BBS12: variants seen among roughly 807,000 people sequenced by gnomAD.
BBS12 encodes chaperonin-containing T-complex member BBS12.
A neutral mutation model predicts 5.6 loss-of-function variants in BBS12; 5 were observed. The ratio of observed to expected loss-of-function variants is 0.89; its 90% CI spans 0.46 to 1.86. The LOEUF is 1.86. Among genes scored for constraint, BBS12 ranks in the 40% most tolerant of loss-of-function variants. BBS12 has a pLI of 0.01. For synonymous variants in BBS12, 308 were observed against 306.8 expected (o/e 1.00, Z -0.04); for missense variants, 748 against 830.4 (o/e 0.90, Z 1.22).
At chr4:122,722,263 T>C in the BBS12 span, among the ~76,000 whole-genome samples, 26 of 152,358 alleles carry the variant, frequency 1.7e-4, no homozygotes, top group East Asian at 4.6e-3. Context: ...CTTTCTATTC[T>C]ATTCCACCGG....
rs1437804104 is a variant in BBS12 at position 122,743,144 on chromosome 4, G to C, written c.1252G>C (p.Val418Leu). 1 of 1,614,254 alleles carries C rather than the reference G, an allele frequency of 6.2e-7. No individual in the cohort carries two copies. Among genetic ancestry groups the C allele is most frequent in the Admixed American group, 1.7e-5 (1 of 60,032 alleles). Residue 418 changes from valine to leucine, a missense_variant, in exon 2 of 2, where the codon GTG (valine) becomes CTG (leucine). By Grantham distance (32) the Val-to-Leu change is conservative (BLOSUM62 1). Coordinates refer to ENST00000314218, the MANE Select transcript of BBS12 (RefSeq NM_152618.3). ...KVNLVLVQGN[V>L]SERLIEKCIN... ...GAACCTTGTCCTGGTACAAGGAAAT[G>C]TGTCCGAACGCTTAATTGAAAAATG...
At chr4:122,701,336 T>C in the BBS12 span, among the ~76,000 whole-genome samples, 2 of 152,246 alleles carry the variant, frequency 1.3e-5, no homozygotes, top group African/African-American at 4.8e-5. Flanking sequence ...TGATGAATCA[T>C]AGAAGAATTT....
Position 122,742,073 on chromosome 4 carries a change from G to T in BBS12, c.181G>T (p.Asp61Tyr). 6.2e-7 allele frequency: 1 copy of T among 1,614,142 alleles called. No individual in the cohort carries two copies. The highest frequency in any genetic ancestry group is 8.5e-7 in the Non-Finnish European group (1 of 1,180,018). The change falls in exon 2 of 2, where the codon GAT becomes TAT. Residue 61 changes from aspartate (D) to tyrosine (Y), a missense_variant. Transcript: ENST00000314218. ...AACAGTAAGGCTTCTTGAAAGTTTG[G>T]ATTTAACCAGTGCAGTGGGACAACT... ...SSTVRLLESL[D>Y]LTSAVGQLLN...
At chr4:122,735,585 TA>T (rs1294688106) in intron 1 of BBS12, among the ~76,000 whole-genome samples, 1 of 152,212 alleles carries the variant, frequency 6.6e-6, no homozygotes, top group Non-Finnish European at 1.5e-5. Flanking sequence ...TTAAAACTTA[TA>T]TTCATGTTGG....
At chr4:122,737,006 T>G (rs1800791818) in intron 1 of BBS12, among the ~76,000 whole-genome samples, 1 of 152,212 alleles carries the variant, frequency 6.6e-6, no homozygotes, top group Non-Finnish European at 1.5e-5. Context: ...TGCTTATACA[T>G]TAGTTTTCTT....
At position 122,742,925 on chromosome 4, in the gene BBS12, G is replaced by A. The variant is rs1323423364; in HGVS notation, c.1033G>A (p.Val345Met). ...TGTTGTGTCAGTATCTAATAATCCT[G>A]TGATCAAGGAATTGCAGAATCAGCC... ...ITVVSVSNNP[V>M]IKELQNQPVR... is the part of the protein sequence containing the mutation. Residue 345 changes from valine to methionine, a missense_variant, in exon 2 of 2, where the codon GTG becomes ATG. Val to Met is a conservative substitution (Grantham distance 21). Transcript: ENST00000314218. 1.2e-6 allele frequency: 2 copies of A among 1,614,198 alleles called. No homozygotes were observed. Among genetic ancestry groups the A allele is most frequent in the South Asian group, 1.1e-5 (1 of 91,068 alleles).
chr4:122,720,477 A>AC, the BBS12 span, among the ~76,000 whole-genome samples: 1 of 152,130 alleles, frequency 6.6e-6, no homozygotes, highest in Non-Finnish European at 1.5e-5. Context: ...AACAAAAAAA[A>AC]CAGAGGAAAA....
At chr4:122,704,458 G>A in the BBS12 span, among the ~76,000 whole-genome samples, 4 of 152,162 alleles carry the variant, frequency 2.6e-5, no homozygotes, top group African/African-American at 7.2e-5. Flanking sequence ...AACTTCCTTG[G>A]ACCCTAGCTG....
Position 122,743,280 on chromosome 4 carries a change from A to T in BBS12, c.1388A>T (p.Asp463Val), listed in dbSNP as rs762489376. The T allele has an allele frequency of 1.2e-6, 2 of 1,614,062 alleles. No homozygotes were observed. The highest frequency in any genetic ancestry group is 2.7e-5 in the African/African-American group (2 of 74,908). The change falls in exon 2 of 2, where the codon GAT (aspartate) becomes GTT (valine). Residue 463 changes from aspartate to valine, a missense_variant. Coordinates refer to ENST00000314218, the MANE Select transcript of BBS12 (RefSeq NM_152618.3). Reference protein sequence around the residue: ...QVAYITQVNEDCVGDGVCVTF... With the variant: ...QVAYITQVNEVCVGDGVCVTF... The stretch of plus-strand genomic sequence containing the variant: ...GCCTACATTACACAAGTGAATGAAG[A>T]TTGTGTGGGCGACGGGGTCTGCGTG...
the BBS12 span, among the ~76,000 whole-genome samples, chr4:122,710,062 GC>G: frequency 6.6e-6 from 1 of 152,132 alleles, no homozygotes; most frequent in African/African-American, 2.4e-5. Context: ...ATATAAAAGT[GC>G]TCAAGTTTTT....
chr4:122,707,992 C>A, the BBS12 span, among the ~76,000 whole-genome samples: 2 of 146,122 alleles, frequency 1.4e-5, no homozygotes, highest in East Asian at 4.0e-4. Context: ...TTTCTTTTCT[C>A]TCTTTCTCTC....
At chr4:122,708,332 C>T in the BBS12 span, among the ~76,000 whole-genome samples, 33 of 152,088 alleles carry the variant, frequency 2.2e-4, no homozygotes, top group Non-Finnish European at 2.2e-4. Context: ...CTTTTGGCCA[C>T]TTCATGAGCT....
chr4:122,718,606 C>T, the BBS12 span, among the ~76,000 whole-genome samples: 5 of 151,864 alleles, frequency 3.3e-5, no homozygotes, highest in African/African-American at 7.3e-5. Flanking sequence ...GGGAATAGAT[C>T]CAAGCTGAAA....
upstream of BBS12, chr4:122,729,545 A>G (rs1224471762): frequency 2.0e-5 from 3 of 152,258 alleles, no homozygotes; most frequent in Non-Finnish European, 1.5e-5. Context: ...TTTCTTATCA[A>G]TGGGCAACTG....
chr4:122,705,222 C>T, the BBS12 span, among the ~76,000 whole-genome samples: 2 of 152,318 alleles, frequency 1.3e-5, no homozygotes, highest in Middle Eastern at 3.4e-3. Flanking sequence ...CCAGATAGCT[C>T]AGCCTCAATC....
At position 122,743,347 on chromosome 4, in the gene BBS12, C is replaced by A; in HGVS notation, c.1455C>A (p.Asn485Lys). 6.2e-7 allele frequency: 1 copy of A among 1,614,142 alleles called. No homozygotes were observed. Residue 485 changes from asparagine (N) to lysine (K), a missense_variant, in exon 2 of 2, where the codon AAC becomes AAA. By Grantham distance (94) the Asn-to-Lys change is moderately conservative. Coordinates refer to ENST00000314218, the MANE Select transcript of BBS12 (RefSeq NM_152618.3). ...RSSPLDVVDR[N>K]NRIAILLKTE... Reference sequence around the variant, plus strand: ...GCCCTTTGGATGTTGTAGATAGGAACAACAGAATCGCAATCTTATTAAAAA... The same window carrying A: ...GCCCTTTGGATGTTGTAGATAGGAAAAACAGAATCGCAATCTTATTAAAAA...
the BBS12 span, among the ~76,000 whole-genome samples, chr4:122,709,842 G>C: frequency 1.3e-5 from 2 of 152,000 alleles, no homozygotes; most frequent in South Asian, 4.1e-4. Flanking sequence ...TTTTAGTAGA[G>C]ACGGGATTTC....
At chr4:122,708,610 T>C in the BBS12 span, among the ~76,000 whole-genome samples, 5 of 152,150 alleles carry the variant, frequency 3.3e-5, no homozygotes, top group Admixed American at 1.3e-4. Context: ...TTAAATGTCT[T>C]CTAAAATTTG....
Position 122,743,482 on chromosome 4 carries a change from A to G in BBS12, c.1590A>G (p.Leu530=), listed in dbSNP as rs886059059. 1.6e-5 allele frequency: 26 copies of G among 1,614,148 alleles called. No homozygotes were observed. Among genetic ancestry groups the G allele is most frequent in the Non-Finnish European group, 2.1e-5 (25 of 1,180,050 alleles). Residue 530 remains leucine, a synonymous_variant, in exon 2 of 2, where the codon CTA becomes CTG. Coordinates refer to ENST00000314218, the MANE Select transcript of BBS12 (RefSeq NM_152618.3). Reference sequence around the variant, plus strand: ...GTGCCTATCGTTTGTATTATGCTCTAAAAGAGGAAAAGGTCTTCCTTGGAG... The same window carrying G: ...GTGCCTATCGTTTGTATTATGCTCTGAAAGAGGAAAAGGTCTTCCTTGGAG... ...WTCAYRLYYA[L]KEEKVFLGGG...
Sources: gnomAD v4.1 joint callset for allele counts (sites outside exome capture counted in the v4.1 genomes callset) on GRCh38, gnomAD v4.1.1 for gene constraint, MANE v1.5 for transcripts, NCBI Gene and HGNC (gene_info 2026-07-23, HGNC 2026-07-21) for gene names.